The following HIP1 variants were observed in gnomAD, a reference collection of about 807,000 sequenced individuals.
HIP1 encodes the protein huntingtin interacting protein 1.
In HIP1, 65 loss-of-function variants were observed where a neutral mutation model predicts 147.6. The ratio of observed to expected loss-of-function variants is 0.44; its 90% CI spans 0.36 to 0.54. The LOEUF (loss-of-function observed/expected upper bound fraction) is 0.54, where lower values mean the gene tolerates loss of function less well. Ranked by LOEUF, HIP1 falls within the 20% of genes least tolerant of loss-of-function variation. The pLI, the probability that HIP1 is intolerant of heterozygous loss-of-function variation, is 0.00. For missense variants in HIP1, 1,061 were observed against 1,299.6 expected, an observed-to-expected ratio of 0.82 and a Z score of 2.82; for synonymous variants, 479 against 504.0, an observed-to-expected ratio of 0.95 and a Z score of 0.67.
chr7:75,694,697 A>G (rs575745681), intron 1 of HIP1, among the ~76,000 whole-genome samples: 2 of 150,638 alleles, frequency 1.3e-5, no homozygotes, highest in African/African-American at 4.9e-5. Context: ...TTTTAAAGAA[A>G]TGGGGTCTCA....
At chr7:75,579,429 T>C (rs1326426815) in intron 7 of HIP1, among the ~76,000 whole-genome samples, 1 of 152,026 alleles carries the variant, frequency 6.6e-6, no homozygotes, top group East Asian at 1.9e-4. Context: ...GTAGTTGGGA[T>C]TACAGGTGCT....
At chr7:75,694,676 CT>C (rs11383945) in intron 1 of HIP1, among the ~76,000 whole-genome samples, 206 of 140,314 alleles carry the variant, frequency 1.5e-3, no homozygotes, top group East Asian at 1.3e-3. Context: ...CACCTGGCTA[CT>C]TTTTTTTTTT....
chr7:75,680,334 C>T (rs1402669117), intron 1 of HIP1, among the ~76,000 whole-genome samples: 1 of 152,062 alleles, frequency 6.6e-6, no homozygotes, highest in Non-Finnish European at 1.5e-5. Flanking sequence ...TGAGTTACAG[C>T]ACCTGGCCGA....
chr7:75,659,363 A>G (rs891558628), intron 1 of HIP1, among the ~76,000 whole-genome samples: 5 of 152,206 alleles, frequency 3.3e-5, no homozygotes, highest in Non-Finnish European at 7.3e-5. Context: ...TACTGTTATT[A>G]GAAACATAAG....
Position 75,556,165 on chromosome 7 carries a change from T to C in HIP1, c.1688A>G (p.Glu563Gly). The change falls in exon 18 of 31, where the codon GAA becomes GGA. Residue 563 changes from glutamate to glycine, a missense_variant. Around this residue, in one of 3 missense-constraint regions of HIP1, gnomAD observed 810 missense variants for 946.8 expected, o/e 0.86. Coordinates refer to ENST00000336926, the MANE Select transcript of HIP1 (RefSeq NM_005338.7). ...QGSLETSAQS[E>G]ANWAAEFAEL... ...GGCGAACTCGGCTGCCCAGTTTGCT[T>C]CTGACTGCAAAGGTGACCACAAGGA... 1 of 1,613,968 alleles carries C rather than the reference T, an allele frequency of 6.2e-7. No individual in the cohort carries two copies. Among genetic ancestry groups the C allele is most frequent in the South Asian group, 1.1e-5 (1 of 91,072 alleles).
At chr7:75,587,186 C>A (rs2116948384) in intron 4 of HIP1, among the ~76,000 whole-genome samples, 1 of 152,314 alleles carries the variant, frequency 6.6e-6, no homozygotes, top group African/African-American at 2.4e-5. Context: ...AGTGATCCAC[C>A]TGCTTTGGCC....
chr7:75,664,073 TACAC>T (rs375754868), intron 1 of HIP1, among the ~76,000 whole-genome samples: 2 of 40,712 alleles, frequency 4.9e-5, no homozygotes, highest in African/African-American at 9.2e-5. Context: ...TATGTGTATA[TACAC>T]ACACATATAC....
intron 1 of HIP1, among the ~76,000 whole-genome samples, chr7:75,666,656 C>G (rs908025058): frequency 6.6e-6 from 1 of 152,170 alleles, no homozygotes; most frequent in Non-Finnish European, 1.5e-5. Context: ...ACTGAAGTCA[C>G]AGGGCAAGGG....
intron 1 of HIP1, among the ~76,000 whole-genome samples, chr7:75,648,587 A>C (rs1798878260): frequency 1.3e-5 from 2 of 152,110 alleles, no homozygotes; most frequent in Admixed American, 1.3e-4. Flanking sequence ...CCATATGCGG[A>C]TGCCAGGTGC....
At position 75,589,719 on chromosome 7, in the gene HIP1, T is replaced by C. The variant is rs812669; in HGVS notation, c.384+2337A>G. ...AAAAAAAAAAAAAAAAAAAAAAGAC[T>C]TTTTTTTTGGGTTTTTTTTGTTTTT... On this transcript the variant is annotated intron_variant, in intron 4 of 30. Transcript: ENST00000336926. Among the ~76,000 whole-genome samples the C allele has an allele frequency of 8.0e-3, 399 of 49,618 alleles. 14 individuals carry two copies. The highest frequency in any genetic ancestry group is 0.013 in the South Asian group (23 of 1,738). The allele number at this position is 49,618 out of a possible 152,430, so 32.6% of individuals were successfully genotyped here. A position where few individuals can be genotyped will look rare whatever the true frequency, so the allele number is the denominator to read the frequency against.
intron 1 of HIP1, among the ~76,000 whole-genome samples, chr7:75,664,690 G>A (rs1400992150): frequency 1.3e-5 from 2 of 151,350 alleles, no homozygotes; most frequent in East Asian, 2.0e-4. Context: ...GTACAATCTC[G>A]GCTCACTGCA....
At chr7:75,672,468 A>G (rs1296734854) in intron 1 of HIP1, among the ~76,000 whole-genome samples, 1 of 152,078 alleles carries the variant, frequency 6.6e-6, no homozygotes, top group African/African-American at 2.4e-5. Context: ...CTGGGACTAC[A>G]GGCATGCATC....
chr7:75,590,923 T>C lies in HIP1; in HGVS notation c.384+1133A>G, dbSNP rs78204977. 4.0e-3 allele frequency among the ~76,000 whole-genome samples: 613 copies of C among 152,290 alleles called. 3 individuals are homozygous for C. Among genetic ancestry groups the C allele is most frequent in the African/African-American group, 0.014 (583 of 41,572 alleles). On this transcript the variant is annotated intron_variant, in intron 4 of 30. Coordinates refer to ENST00000336926, the MANE Select transcript of HIP1 (RefSeq NM_005338.7). ...ATGATAGGTAGATAGGACTACATAG[T>C]TGCCAACATTTTATAGGTGCAGACA...
Position 75,696,957 on chromosome 7 carries a change from C to A in HIP1, c.120+41844G>T, listed in dbSNP as rs148781008. ...CTTTACAACTCACAGGTCCTCCCCC[C>A]ATCCCAAAATGCTTCCTTCTGCCTT... On this transcript the variant is annotated intron_variant, in intron 1 of 30. Transcript: ENST00000336926. Among the ~76,000 whole-genome samples the A allele has an allele frequency of 8.3e-3, 1,258 of 151,794 alleles. 20 individuals carry two copies. Among genetic ancestry groups the A allele is most frequent in the African/African-American group, 0.029 (1,185 of 41,350 alleles).
chr7:75,660,214 GGTAA>G (rs1340091622), intron 1 of HIP1, among the ~76,000 whole-genome samples: 2 of 101,730 alleles, frequency 2.0e-5, no homozygotes, highest in East Asian at 4.9e-4. Flanking sequence ...TACGATACGT[GGTAA>G]AAAAAAAAAA....
chr7:75,607,230 T>G (rs1384503577), intron 1 of HIP1, among the ~76,000 whole-genome samples: 1 of 146,170 alleles, frequency 6.8e-6, no homozygotes, highest in African/African-American at 2.6e-5. Flanking sequence ...TGTTTTTTGT[T>G]TTGTTTTTTT....
intron 1 of HIP1, among the ~76,000 whole-genome samples, chr7:75,633,125 T>G (rs1279541063): frequency 1.3e-5 from 2 of 152,064 alleles, no homozygotes; most frequent in Non-Finnish European, 2.9e-5. Context: ...GTCACAGACC[T>G]GCACATGTAC....
Position 75,568,249 on chromosome 7 carries a change from T to C in HIP1, c.753A>G (p.Pro251=), listed in dbSNP as rs782346140. The C allele has an allele frequency of 2.5e-6, 4 of 1,611,742 alleles. No individual in the cohort carries two copies. The Admixed American group carries it at 6.7e-5, about 27-fold the overall frequency. Residue 251 remains proline, a synonymous_variant, in exon 9 of 31, where the codon CCA becomes CCG. Transcript: ENST00000336926. This position sits in a 1 kb window ranked among gnomAD's most constrained non-coding sequence, Gnocchi z 4.1. ...CCCGGTGGCCTTGCAGGGTGTCAGC[T>C]GGGAGGCCTGGAAGAAATTGGAAAG... ...KLLFKLHSCL[P]ADTLQGHRDR...
At chr7:75,689,434 G>C (rs1554517911) in intron 1 of HIP1, among the ~76,000 whole-genome samples, 1 of 151,828 alleles carries the variant, frequency 6.6e-6, no homozygotes, top group Non-Finnish European at 1.5e-5. Flanking sequence ...AAACTGGGAG[G>C]GGGAGGTTGC....
Sources: gnomAD v4.1 joint callset for allele counts (sites outside exome capture counted in the v4.1 genomes callset) on GRCh38, gnomAD v4.1.1 for gene constraint, gnomAD v4.1.1 regional missense constraint, Gnocchi (gnomAD v3.1) non-coding constraint, MANE v1.5 for transcripts, NCBI Gene and HGNC (gene_info 2026-07-23, HGNC 2026-07-21) for gene names.